Variants in ESRRG observed in about 807,000 individuals in gnomAD.
ESRRG encodes the protein estrogen related receptor gamma.
ESRRG carries 13 observed loss-of-function variants against 44.0 expected under a neutral mutation model. The ratio of observed to expected loss-of-function variants is 0.30; its 90% CI spans 0.19 to 0.47. The LOEUF is 0.47. Among genes scored for constraint, ESRRG ranks in the 20% least tolerant of loss-of-function variants. The probability of loss-of-function intolerance (pLI) is 1.00; values close to 1 mark genes in which losing one functional copy is unlikely to be tolerated. For synonymous variants in ESRRG, 215 were observed against 214.6 expected (o/e 1.00, Z -0.02); for missense variants, 395 against 580.6 (o/e 0.68, Z 3.29).
intron 1 of ESRRG, among the ~76,000 whole-genome samples, chr1:217,068,915 C>A (rs2090167344): frequency 6.6e-6 from 1 of 152,192 alleles, no homozygotes; most frequent in Non-Finnish European, 1.5e-5. Context: ...AATAATTGGG[C>A]AGTTCCCAGT....
chr1:216,823,112 C>T (rs191061027), intron 2 of ESRRG, among the ~76,000 whole-genome samples: 3 of 151,736 alleles, frequency 2.0e-5, no homozygotes, highest in African/African-American at 4.8e-5. Context: ...TGAGAACCTT[C>T]GACTAACATC....
chr1:216,559,005 G>T (rs752936896), intron 5 of ESRRG, among the ~76,000 whole-genome samples: 18 of 151,860 alleles, frequency 1.2e-4, no homozygotes, highest in Admixed American at 6.6e-5. Context: ...GAGTAACTGG[G>T]ATTACAGGCA....
chr1:216,805,406 G>A (rs1436408337), intron 2 of ESRRG: 1 of 152,160 alleles, frequency 6.6e-6, no homozygotes, highest in Non-Finnish European at 1.5e-5. Flanking sequence ...GTGCATCTGG[G>A]TTTTTAAAGT....
intron 1 of ESRRG, among the ~76,000 whole-genome samples, chr1:217,116,200 T>A (rs1183986265): frequency 6.6e-6 from 1 of 152,230 alleles, no homozygotes; most frequent in Non-Finnish European, 1.5e-5. Context: ...TTTATGGATA[T>A]AAATATCTTA....
intron 3 of ESRRG, among the ~76,000 whole-genome samples, chr1:216,607,523 T>C (rs779102737): frequency 4.6e-5 from 7 of 152,198 alleles, no homozygotes; most frequent in Non-Finnish European, 1.0e-4. Context: ...ATCAACTCCG[T>C]GTGTGCATAT....
intron 5 of ESRRG, among the ~76,000 whole-genome samples, chr1:216,535,732 T>A (rs1037606326): frequency 1.3e-5 from 2 of 152,088 alleles, no homozygotes; most frequent in African/African-American, 2.4e-5. Context: ...TTCCATTCCT[T>A]CATCCCTCTA....
chr1:216,885,281 T>C (rs961434805), intron 2 of ESRRG, among the ~76,000 whole-genome samples: 3 of 152,174 alleles, frequency 2.0e-5, no homozygotes, highest in Non-Finnish European at 2.9e-5. Context: ...TATATGAGAA[T>C]ATATAGTACA....
At chr1:216,939,601 T>C (rs1343832750) in exon 2 of ESRRG, 11 of 152,000 alleles carry the variant, frequency 7.2e-5, no homozygotes, top group Admixed American at 7.2e-4. Context: ...TGCGACAGTG[T>C]TAGCGTAGGA....
chr1:216,772,688 G>A (rs1330145768), intron 2 of ESRRG, among the ~76,000 whole-genome samples: 1 of 151,690 alleles, frequency 6.6e-6, no homozygotes, highest in Non-Finnish European at 1.5e-5. Context: ...GGCATAGTGA[G>A]TTTTTTGTTT....
At chr1:217,130,872 C>T (rs780818735) in intron 1 of ESRRG, among the ~76,000 whole-genome samples, 6 of 143,264 alleles carry the variant, frequency 4.2e-5, no homozygotes, top group African/African-American at 8.1e-5. Context: ...TTTTCTCCCA[C>T]GAAGAAATGC....
chr1:216,868,684 A>C (rs555248521), intron 2 of ESRRG, among the ~76,000 whole-genome samples: 2 of 152,274 alleles, frequency 1.3e-5, no homozygotes, highest in East Asian at 3.9e-4. Flanking sequence ...CATTTCTATC[A>C]GCAATGTGTG....
chr1:216,934,934 G>A (rs776871006), intron 2 of ESRRG, among the ~76,000 whole-genome samples: 14 of 152,112 alleles, frequency 9.2e-5, no homozygotes, highest in Non-Finnish European at 1.8e-4. Context: ...ATGAATGGCC[G>A]GTATGTAGTA....
In ESRRG at chr1:216,549,271, G is replaced by A. The variant is rs151306686; in HGVS notation, c.862+14948C>T. Among the ~76,000 whole-genome samples the A allele has an allele frequency of 8.5e-5, 13 of 152,084 alleles. No individual in the cohort carries two copies. In the East Asian group the frequency reaches 1.9e-3, roughly 23 times the overall value. ...CAGAGAGTTGCAAATTTTAAATACC[G>A]TAAGATCAGTGATGGAAAAGAACTT... is the stretch of plus-strand genomic sequence containing the variant. On this transcript the variant is annotated intron_variant, in intron 5 of 6. Transcript: ENST00000408911.
At chr1:217,034,976 C>T (rs986746787) in intron 1 of ESRRG, among the ~76,000 whole-genome samples, 1 of 152,066 alleles carries the variant, frequency 6.6e-6, no homozygotes, top group East Asian at 1.9e-4. Flanking sequence ...TTTAACAAGG[C>T]TTTAAAAAAG....
intron 1 of ESRRG, among the ~76,000 whole-genome samples, chr1:216,706,666 C>T (rs575192972): frequency 5.1e-4 from 77 of 152,172 alleles, no homozygotes; most frequent in Non-Finnish European, 1.0e-3. Context: ...AGCATAAACA[C>T]TTGACAAAAA....
chr1:217,115,310 A>T (rs2092710135), intron 1 of ESRRG, among the ~76,000 whole-genome samples: 1 of 152,120 alleles, frequency 6.6e-6, no homozygotes, highest in African/African-American at 2.4e-5. Flanking sequence ...CTATGCGATA[A>T]ATGTCAGCTG....
At chr1:216,569,081 AAAGGAAGGAAGGAAGG>A (rs56064287) in intron 3 of ESRRG, among the ~76,000 whole-genome samples, 19,001 of 98,130 alleles carry the variant, frequency 0.19, 2,082 homozygotes, top group Middle Eastern at 0.29. Context: ...AGACAGAGAG[AAAGGAAGGAAGGAAGG>A]AAGGAAGGAA....
At chr1:216,667,925 G>A (rs1307577190) in intron 2 of ESRRG, among the ~76,000 whole-genome samples, 5 of 151,244 alleles carry the variant, frequency 3.3e-5, no homozygotes, top group East Asian at 3.9e-4. Context: ...GTGAAACCCC[G>A]TCTCTACTGA....
intron 5 of ESRRG, among the ~76,000 whole-genome samples, chr1:216,545,453 T>A (rs544266489): frequency 1.1e-4 from 17 of 152,028 alleles, no homozygotes; most frequent in Non-Finnish European, 2.1e-4. Context: ...AATGTCCAGA[T>A]TAACATTAAC....
Sources: gnomAD v4.1 joint callset for allele counts (sites outside exome capture counted in the v4.1 genomes callset) on GRCh38, gnomAD v4.1.1 for gene constraint, MANE v1.5 for transcripts, NCBI Gene and HGNC (gene_info 2026-07-23, HGNC 2026-07-21) for gene names.